The following ARHGAP15 variants were observed in gnomAD, a reference collection of about 807,000 sequenced individuals.
ARHGAP15 encodes Rho GTPase activating protein 15.
ARHGAP15 carries 51 observed loss-of-function variants against 63.7 expected under a neutral mutation model. That is an observed-to-expected ratio of 0.80 (90% CI 0.64 to 1.01). The LOEUF (loss-of-function observed/expected upper bound fraction) is 1.01. Ranked by LOEUF, ARHGAP15 falls within the 50% of genes least tolerant of loss-of-function variation. ARHGAP15 has a pLI of 0.00. For missense variants in ARHGAP15, 560 were observed against 564.6 expected (o/e 0.99, Z 0.08); for synonymous variants, 191 against 193.8 (o/e 0.99, Z 0.12).
At chr2:143,248,802 G>A (rs947307421) in intron 5 of ARHGAP15, among the ~76,000 whole-genome samples, 1 of 152,182 alleles carries the variant, frequency 6.6e-6, no homozygotes, top group African/African-American at 2.4e-5. Context: ...CTATGATACA[G>A]AGGTTATACA....
At chr2:143,471,825 A>G (rs1196594296) in intron 8 of ARHGAP15, 1 of 152,202 alleles carries the variant, frequency 6.6e-6, no homozygotes, top group Non-Finnish European at 1.5e-5. Context: ...CTTACCCAGG[A>G]GACACTCATT....
intron 12 of ARHGAP15, among the ~76,000 whole-genome samples, chr2:143,666,194 C>T (rs917364135): frequency 4.0e-5 from 6 of 150,728 alleles, no homozygotes; most frequent in South Asian, 2.1e-4. Flanking sequence ...GTAACCAAAA[C>T]AGCATGGTAC....
chr2:143,353,291 A>C (rs1054301766), intron 6 of ARHGAP15, among the ~76,000 whole-genome samples: 9 of 151,648 alleles, frequency 5.9e-5, no homozygotes, highest in Non-Finnish European at 1.0e-4. Context: ...TCCTGTCTCT[A>C]AAAAAATTAA....
chr2:143,646,808 A>C (rs551120172), intron 12 of ARHGAP15, among the ~76,000 whole-genome samples: 2 of 152,050 alleles, frequency 1.3e-5, no homozygotes, highest in African/African-American at 2.4e-5. Flanking sequence ...AGATGCTCTG[A>C]CCACATACTA....
chr2:143,652,478 C>T (rs1681220313), intron 12 of ARHGAP15, among the ~76,000 whole-genome samples: 1 of 151,958 alleles, frequency 6.6e-6, no homozygotes. Context: ...TAAAAGCTTG[C>T]CAAAATTTTA....
intron 6 of ARHGAP15, among the ~76,000 whole-genome samples, chr2:143,319,819 A>G (rs1176676043): frequency 6.6e-6 from 1 of 152,102 alleles, no homozygotes; most frequent in Non-Finnish European, 1.5e-5. Flanking sequence ...ACAGGTGGAG[A>G]GCTAAATATA....
At chr2:143,656,006 TCTCA>T (rs1452307463) in intron 12 of ARHGAP15, 1 of 152,224 alleles carries the variant, frequency 6.6e-6, no homozygotes, top group Non-Finnish European at 1.5e-5. Context: ...TTAAGCACAT[TCTCA>T]CTCTGAACTG....
intron 1 of ARHGAP15, among the ~76,000 whole-genome samples, chr2:143,140,467 G>A (rs77666804): frequency 0.059 from 9,001 of 152,114 alleles, 366 homozygotes; most frequent in Non-Finnish European, 0.092. Context: ...CAGCAAACAC[G>A]AGGAGAGAAA....
intron 11 of ARHGAP15, among the ~76,000 whole-genome samples, chr2:143,613,907 C>A (rs1470216137): frequency 1.3e-5 from 2 of 152,040 alleles, no homozygotes; most frequent in African/African-American, 4.8e-5. Context: ...AATGTTGCTC[C>A]CCTGCTTATG....
chr2:143,259,979 TTTGGA>T (rs1680637053), intron 6 of ARHGAP15, among the ~76,000 whole-genome samples: 1 of 152,176 alleles, frequency 6.6e-6, no homozygotes, highest in Admixed American at 6.5e-5. Flanking sequence ...TAATCCCTCA[TTTGGA>T]TCTAAGCATG....
At chr2:143,657,309 T>G (rs938518704) in intron 12 of ARHGAP15, among the ~76,000 whole-genome samples, 4 of 152,188 alleles carry the variant, frequency 2.6e-5, no homozygotes, top group Non-Finnish European at 5.9e-5. Context: ...ATCGCGCCAC[T>G]GCACTCCAGC....
intron 13 of ARHGAP15, among the ~76,000 whole-genome samples, chr2:143,765,468 AAT>A (rs1259931233): frequency 1.3e-5 from 2 of 152,174 alleles, no homozygotes; most frequent in African/African-American, 2.4e-5. Flanking sequence ...ACACTCTAAA[AAT>A]ATGAGGATCC....
intron 6 of ARHGAP15, among the ~76,000 whole-genome samples, chr2:143,433,580 G>A (rs1008081730): frequency 3.3e-5 from 5 of 152,048 alleles, no homozygotes; most frequent in African/African-American, 9.7e-5. Context: ...GATCCCCTTT[G>A]CATTGCATAG....
intron 8 of ARHGAP15, among the ~76,000 whole-genome samples, chr2:143,470,637 A>G (rs1484901161): frequency 7.2e-6 from 1 of 138,918 alleles, no homozygotes; most frequent in African/African-American, 2.5e-5. Context: ...ATATGTGTGT[A>G]TATATGTGTG....
chr2:143,405,071 A>G (rs537126092), intron 6 of ARHGAP15, among the ~76,000 whole-genome samples: 1 of 151,994 alleles, frequency 6.6e-6, no homozygotes, highest in East Asian at 1.9e-4. Flanking sequence ...TAATAGGTGA[A>G]AAATCAAGGT....
At position 143,277,222 on chromosome 2, in the gene ARHGAP15, TAA is replaced by T. The variant is rs1368837349; in HGVS notation, c.474+26624_474+26625del. 2.0e-5 allele frequency among the ~76,000 whole-genome samples: 3 copies of T among 152,156 alleles called. No individual in the cohort carries two copies. The East Asian group carries it at 5.8e-4, about 29-fold the overall frequency. On this transcript the variant is annotated intron_variant, in intron 6 of 13. Transcript: ENST00000295095. ...CATTCTCTTTTCAAACAACAAGAAA[TAA>T]AGTCGTTTATTTTTCATTTGTTGCA...
chr2:143,500,762 G>T (rs1248334556), intron 9 of ARHGAP15, among the ~76,000 whole-genome samples: 1 of 152,158 alleles, frequency 6.6e-6, no homozygotes, highest in Non-Finnish European at 1.5e-5. Flanking sequence ...GACAGCTTAT[G>T]CAGATAGCCG....
At chr2:143,554,312 G>A (rs1695696988) in intron 10 of ARHGAP15, among the ~76,000 whole-genome samples, 1 of 152,098 alleles carries the variant, frequency 6.6e-6, no homozygotes, top group African/African-American at 2.4e-5. Context: ...TTGTTTGTTT[G>A]TGGTGGCAAG....
chr2:143,635,904 T>C (rs929169775), intron 12 of ARHGAP15, among the ~76,000 whole-genome samples: 16 of 152,196 alleles, frequency 1.1e-4, no homozygotes, highest in Non-Finnish European at 2.2e-4. Flanking sequence ...TTCTTTTCAT[T>C]GGCTTATTTA....
Sources: gnomAD v4.1 joint callset for allele counts (sites outside exome capture counted in the v4.1 genomes callset) on GRCh38, gnomAD v4.1.1 for gene constraint, MANE v1.5 for transcripts, NCBI Gene and HGNC (gene_info 2026-07-23, HGNC 2026-07-21) for gene names.